Variants in GTF2A1 observed in about 807,000 individuals in gnomAD.
GTF2A1 encodes transcription initiation factor IIA subunit 1.
A neutral mutation model predicts 54.1 loss-of-function variants in GTF2A1; 12 were observed. The ratio of observed to expected loss-of-function variants is 0.22; its 90% CI spans 0.14 to 0.36. The LOEUF (loss-of-function observed/expected upper bound fraction) is 0.36. Ranked by LOEUF, GTF2A1 falls within the 10% of genes least tolerant of loss-of-function variation. The pLI, the probability that GTF2A1 is intolerant of heterozygous loss-of-function variation, is 1.00. For missense variants in GTF2A1, 335 were observed against 442.2 expected (o/e 0.76, Z 2.17); for synonymous variants, 145 against 152.0 (o/e 0.95, Z 0.34).
At chr14:81,192,929 G>A in intron 6 of GTF2A1, 90 bp from the exon 7 acceptor site, 1 of 765,762 alleles carries the variant, frequency 1.3e-6, no homozygotes, top group Non-Finnish European at 2.2e-6. Context: ...AGATTCACCA[G>A]AATGGCCATA....
chr14:81,210,449 G>A (rs990993028), intron 2 of GTF2A1, among the ~76,000 whole-genome samples: 4 of 152,080 alleles, frequency 2.6e-5, no homozygotes, highest in Non-Finnish European at 5.9e-5. Flanking sequence ...GGCAGATCAC[G>A]AGGGCAGGAG....
intron 2 of GTF2A1, among the ~76,000 whole-genome samples, chr14:81,207,135 CTACG>C (rs1278748562): frequency 8.0e-6 from 1 of 125,010 alleles, no homozygotes; most frequent in Admixed American, 8.4e-5. Flanking sequence ...ATCTACCTAC[CTACG>C]TACCTACCTA....
rs879011381 is a variant in GTF2A1, at chr14:81,220,737, TAA to T, written c.-221_-220del. The T allele has an allele frequency of 3.9e-3, 761 of 197,434 alleles. No homozygotes were observed. The highest frequency in any genetic ancestry group is 7.3e-3 in the East Asian group (92 of 12,566). The allele number at this position is 197,434 out of a possible 1,614,324, so 12.2% of individuals were successfully genotyped here. ...CAGCTGAAAACCTCGAGAATCGCCT[TAA>T]AAAAAAAAAAAAAGCCACGACCCTT... is the stretch of plus-strand genomic sequence containing the variant. On this transcript the variant is annotated 5_prime_UTR_variant, in exon 1 of 9. Coordinates refer to ENST00000553612, the MANE Select transcript of GTF2A1 (RefSeq NM_015859.4).
chr14:81,201,289 C>T (rs1303992001), intron 4 of GTF2A1, among the ~76,000 whole-genome samples: 1 of 152,148 alleles, frequency 6.6e-6, no homozygotes, highest in Non-Finnish European at 1.5e-5. Context: ...TCTCCTGAAA[C>T]AGAACCATAC....
intron 6 of GTF2A1, among the ~76,000 whole-genome samples, 154 bp from the exon 7 acceptor site, chr14:81,192,993 G>A (rs1355796444): frequency 2.0e-5 from 3 of 152,182 alleles, no homozygotes; most frequent in Admixed American, 2.0e-4. Context: ...TTTAACTAGT[G>A]TAGTGACCCA....
At chr14:81,195,145 A>G (rs1892964774) in intron 6 of GTF2A1, among the ~76,000 whole-genome samples, 1 of 151,662 alleles carries the variant, frequency 6.6e-6, no homozygotes, top group Non-Finnish European at 1.5e-5. Flanking sequence ...CAAAAAAAAA[A>G]AAAAAAAAAG....
intron 6 of GTF2A1, among the ~76,000 whole-genome samples, chr14:81,193,419 A>C (rs1275367464): frequency 6.6e-6 from 1 of 152,076 alleles, no homozygotes; most frequent in Non-Finnish European, 1.5e-5. Context: ...CCCGCCTCCC[A>C]AAGTGCTGGG....
upstream of GTF2A1, chr14:81,221,388 A>G (rs983631291): frequency 1.3e-5 from 2 of 149,762 alleles, no homozygotes; most frequent in African/African-American, 4.9e-5. Context: ...GCGGAGGAGG[A>G]CTGGTCACGT....
Position 81,220,792 on chromosome 14 carries a change from C to CCCA in GTF2A1, c.-277_-275dup. The CCCA allele has an allele frequency of 2.9e-6, 1 of 350,484 alleles. No homozygotes were observed. Among genetic ancestry groups the CCCA allele is most frequent in the Non-Finnish European group, 5.2e-6 (1 of 194,138 alleles). 21.7% of individuals were successfully genotyped at this position (350,484 alleles called of 1,614,324 possible). On this transcript the variant is annotated 5_prime_UTR_variant, in exon 1 of 9. Coordinates refer to ENST00000553612, the MANE Select transcript of GTF2A1 (RefSeq NM_015859.4). ...GGGGTCCGGGGGGCGTTGCCCGCTC[C>CCCA]CCACCCCGCGCCAAGGAGGGAAACC...
Position 81,199,397 on chromosome 14 carries a change from T to C in GTF2A1, c.403-1913A>G, listed in dbSNP as rs762573276. On this transcript the variant is annotated intron_variant, in intron 4 of 8. Coordinates refer to ENST00000553612, the MANE Select transcript of GTF2A1 (RefSeq NM_015859.4). Reference sequence around the variant, plus strand: ...ATAATGCATTAGACCAATCATTTCATAAAAAAGAACCGAAAACAATGGTTT... The same window carrying C: ...ATAATGCATTAGACCAATCATTTCACAAAAAAGAACCGAAAACAATGGTTT... 4.6e-5 allele frequency among the ~76,000 whole-genome samples: 7 copies of C among 152,306 alleles called. No individual in the cohort carries two copies. In the East Asian group the frequency reaches 1.2e-3, roughly 25 times the overall value.
intron 8 of GTF2A1, among the ~76,000 whole-genome samples, chr14:81,183,453 A>C (rs1392570478): frequency 1.3e-5 from 2 of 152,248 alleles, no homozygotes; most frequent in Non-Finnish European, 2.9e-5. Flanking sequence ...TTTGCAAAAA[A>C]TAAATGTACC....
chr14:81,211,876 T>C (rs1422617158), intron 2 of GTF2A1, among the ~76,000 whole-genome samples: 862 of 10,812 alleles, frequency 0.08, 37 homozygotes, highest in African/African-American at 0.12. Context: ...TCAAGTACTT[T>C]ATATATATAT....
At chr14:81,187,425 G>A (rs933385271) in intron 7 of GTF2A1, among the ~76,000 whole-genome samples, 3 of 151,474 alleles carry the variant, frequency 2.0e-5, no homozygotes, top group African/African-American at 7.3e-5. Context: ...ATTTGTACAT[G>A]TACAATTCAG....
At chr14:81,197,891 T>C (rs1262804834) in intron 4 of GTF2A1, among the ~76,000 whole-genome samples, 1 of 152,214 alleles carries the variant, frequency 6.6e-6, no homozygotes, top group Admixed American at 6.5e-5. Context: ...TCATTATTGC[T>C]TCCTTTCCCA....
At chr14:81,206,425 T>C (rs751043406) in intron 2 of GTF2A1, among the ~76,000 whole-genome samples, 5 of 152,168 alleles carry the variant, frequency 3.3e-5, no homozygotes, top group South Asian at 2.1e-4. Context: ...CAAATAATTA[T>C]GTCCTATATG....
chr14:81,216,111 A>C (rs1893483075), intron 2 of GTF2A1, among the ~76,000 whole-genome samples: 3 of 152,252 alleles, frequency 2.0e-5, no homozygotes, highest in Non-Finnish European at 4.4e-5. Flanking sequence ...CTATCCAATA[A>C]TAACTGCTAA....
rs935628405 is a variant in GTF2A1 at position 81,179,881 on chromosome 14, A to G, written c.*342T>C. On this transcript the variant is annotated 3_prime_UTR_variant, in exon 9 of 9. Transcript: ENST00000553612. ...GAAGTTTCTTCAGTTCATTCCAACA[A>G]GTATCTTCTGATTGAACCCAAGTTG... is the stretch of plus-strand genomic sequence containing the variant. 7 of 163,634 alleles carry G rather than the reference A, an allele frequency of 4.3e-5. No individual in the cohort carries two copies. Among genetic ancestry groups the G allele is most frequent in the African/African-American group, 1.7e-4 (7 of 41,972 alleles). 10.1% of individuals were successfully genotyped at this position (163,634 alleles called of 1,614,324 possible).
rs146709916 is a variant in GTF2A1, at chr14:81,205,863, C to T, written c.133-1759G>A. On this transcript the variant is annotated intron_variant, in intron 2 of 8. Coordinates refer to ENST00000553612, the MANE Select transcript of GTF2A1 (RefSeq NM_015859.4). ...TCTGTAAAGTAGGCATCTAGAATAG[C>T]GCACCATCAAAATAGACACTCACAT... Among the ~76,000 whole-genome samples the T allele has an allele frequency of 9.4e-3, 1,425 of 152,202 alleles. 11 individuals are homozygous for T. The highest frequency in any genetic ancestry group is 0.015 in the Non-Finnish European group (998 of 67,998).
Position 81,177,073 on chromosome 14 carries a change from T to G in GTF2A1, c.*3150A>C, listed in dbSNP as rs188176539. 1.3e-5 allele frequency: 2 copies of G among 152,214 alleles called. No homozygotes were observed. Among genetic ancestry groups the G allele is most frequent in the East Asian group, 3.9e-4 (2 of 5,194 alleles). The allele number at this position is 152,214 out of a possible 1,614,324, so 9.4% of individuals were successfully genotyped here. On this transcript the variant is annotated 3_prime_UTR_variant, in exon 9 of 9. Transcript: ENST00000553612. ...AGCCAGGAAAAAAAAAATCTGTGAC[T>G]TTCATTATAGCAAAAGAAAATATTC... is the stretch of plus-strand genomic sequence containing the variant.
Sources: allele counts gnomAD v4.1 joint callset (sites outside exome capture counted in the v4.1 genomes callset), GRCh38; gene constraint gnomAD v4.1.1; transcripts MANE v1.5; gene names NCBI Gene and HGNC (gene_info 2026-07-23, HGNC 2026-07-21).